ALG6: variants seen among roughly 807,000 people sequenced by gnomAD.
The protein encoded by ALG6 is ALG6 alpha-1,3-glucosyltransferase.
Under a neutral mutation model 66.6 loss-of-function variants are expected in ALG6, and 46 were observed. The ratio of observed to expected loss-of-function variants is 0.69; its 90% confidence interval spans 0.55 to 0.88. ALG6 has a LOEUF of 0.88. ALG6 is among the 40% of genes least tolerant of loss of function. ALG6 has a pLI of 0.00. For synonymous variants in ALG6, 185 were observed against 203.7 expected (o/e 0.91, Z 0.78); for missense variants, 505 against 586.8 (o/e 0.86, Z 1.44).
chr1:63,399,431 G>A (rs959582356), intron 3 of ALG6, among the ~76,000 whole-genome samples: 4 of 152,178 alleles, frequency 2.6e-5, no homozygotes, highest in African/African-American at 7.2e-5. Flanking sequence ...AACAGCAGGA[G>A]ATGGTGTTCT....
intron 12 of ALG6, among the ~76,000 whole-genome samples, chr1:63,422,240 T>C (rs1289107135): frequency 4.0e-5 from 2 of 49,606 alleles, no homozygotes; most frequent in Non-Finnish European, 7.1e-5. Flanking sequence ...TAAATATATA[T>C]ATAAATATAT....
chr1:63,398,185 A>G (rs1233349891), intron 3 of ALG6, among the ~76,000 whole-genome samples: 2 of 152,156 alleles, frequency 1.3e-5, no homozygotes, highest in African/African-American at 2.4e-5. Context: ...CTTCATATTG[A>G]GTTTTCTATT....
intron 12 of ALG6, among the ~76,000 whole-genome samples, chr1:63,425,146 A>G (rs1644608515): frequency 6.6e-6 from 1 of 152,178 alleles, no homozygotes; most frequent in Admixed American, 6.6e-5. Flanking sequence ...AAAAGGAAGC[A>G]GAAAAATAGG....
At chr1:63,416,387 G>T (rs1644546181) in intron 11 of ALG6, among the ~76,000 whole-genome samples, 1 of 152,066 alleles carries the variant, frequency 6.6e-6, no homozygotes, top group African/African-American at 2.4e-5. Context: ...GTGGGGCAAG[G>T]TTAGAACAGC....
At chr1:63,387,529 TC>T (rs1648535840) in intron 2 of ALG6, among the ~76,000 whole-genome samples, 2 of 135,772 alleles carry the variant, frequency 1.5e-5, no homozygotes, top group Non-Finnish European at 3.1e-5. Flanking sequence ...TCTTTGTCTT[TC>T]TCTTTTTTTT....
rs1251594834 is a variant in ALG6 at position 63,433,779 on chromosome 1, T to TC, written c.1327-3041dup. ...GACCAAAACTAACAGAAATCCCTGC[T>TC]CCCATGGAGGTTGCATTCTAGTGGA... On this transcript the variant is annotated intron_variant, in intron 14 of 14. Coordinates refer to ENST00000263440, the MANE Select transcript of ALG6 (RefSeq NM_013339.4). The surrounding 1 kb of genome is among the most constrained non-coding windows in gnomAD (Gnocchi z 4.2). Among the ~76,000 whole-genome samples, 1 of 152,156 alleles carries TC rather than the reference T, an allele frequency of 6.6e-6. No individual in the cohort carries two copies.
chr1:63,382,665 GTTTTTTTTT>G (rs59236936), intron 2 of ALG6, among the ~76,000 whole-genome samples: 14 of 93,586 alleles, frequency 1.5e-4, no homozygotes, highest in African/African-American at 6.5e-4. Context: ...GTTTTTTTTT[GTTTTTTTTT>G]TTTTGTTTTT....
At chr1:63,369,387 G>T (rs1647833812) in intron 1 of ALG6, among the ~76,000 whole-genome samples, 1 of 152,138 alleles carries the variant, frequency 6.6e-6, no homozygotes, top group East Asian at 1.9e-4. Context: ...CCAGCACTTT[G>T]GGAGACCAAG....
intron 12 of ALG6, among the ~76,000 whole-genome samples, chr1:63,423,271 G>A (rs1387166900): frequency 6.6e-6 from 1 of 152,088 alleles, no homozygotes; most frequent in Non-Finnish European, 1.5e-5. Flanking sequence ...TGATTCCCCT[G>A]CCTTGGCCTC....
chr1:63,428,753 G>T lies in ALG6; in HGVS notation c.1079G>T (p.Ser360Ile), dbSNP rs1644630105. 1 of 1,608,450 alleles carries T rather than the reference G, an allele frequency of 6.2e-7. No homozygotes were observed. The highest frequency in any genetic ancestry group is 8.5e-7 in the Non-Finnish European group (1 of 1,176,528). ...LVSLPVCLVL[S>I]EIPFMSTWFL... is the part of the protein sequence containing the mutation. ...TTTAGACCAGTCTGCTTAGTTTTAA[G>T]TGAAATTCCTTTTATGTCTACTTGG... Residue 360 changes from serine (S) to isoleucine (I), a missense_variant, in exon 13 of 15, where the codon AGT becomes ATT. By Grantham distance (142) the Ser-to-Ile change is moderately radical. Coordinates refer to ENST00000263440, the MANE Select transcript of ALG6 (RefSeq NM_013339.4).
chr1:63,431,583 A>G (rs1263481859), intron 14 of ALG6, among the ~76,000 whole-genome samples: 1 of 152,080 alleles, frequency 6.6e-6, no homozygotes, highest in East Asian at 1.9e-4. Flanking sequence ...CACCCGGCTA[A>G]TTTTTTTAGA....
At chr1:63,423,024 ATTTT>A (rs61279219) in intron 12 of ALG6, among the ~76,000 whole-genome samples, 2 of 142,954 alleles carry the variant, frequency 1.4e-5, no homozygotes, top group Admixed American at 6.9e-5. Flanking sequence ...GGATAATGCA[ATTTT>A]TTTTTTTTTT....
intron 14 of ALG6, among the ~76,000 whole-genome samples, chr1:63,429,345 T>G (rs1470328137): frequency 1.3e-5 from 2 of 152,220 alleles, no homozygotes; most frequent in African/African-American, 2.4e-5. Flanking sequence ...GAAGAAATTC[T>G]GTACCCATTA....
chr1:63,401,940 CCTTGCACGTAACGAGGCT>C (rs913932481), intron 3 of ALG6, among the ~76,000 whole-genome samples: 2 of 151,906 alleles, frequency 1.3e-5, no homozygotes, highest in African/African-American at 4.8e-5. Flanking sequence ...ATTCAGAGAG[CCTTGCACGTAACGAGGCT>C]CTCGTTACAT....
rs145400032 is a variant in ALG6, at chr1:63,433,862, T to C, written c.1327-2961T>C. 2.4e-3 allele frequency among the ~76,000 whole-genome samples: 364 copies of C among 152,282 alleles called. No individual in the cohort carries two copies. The highest frequency in any genetic ancestry group is 3.5e-3 in the Non-Finnish European group (240 of 68,022). On this transcript the variant is annotated intron_variant, in intron 14 of 14. Transcript: ENST00000263440. The surrounding 1 kb of genome is among the most constrained non-coding windows in gnomAD (Gnocchi z 4.2). ...GCATGTCAGAGGGTGATAAGTGCTA[T>C]GGAGAACAACAAAGCAAGGGAGAAA...
rs2100449475 is a variant in ALG6, at chr1:63,438,119, A to T, written c.*1099A>T. The T allele has an allele frequency of 6.6e-6, 1 of 152,298 alleles. No homozygotes were observed. The highest frequency in any genetic ancestry group is 6.5e-5 in the Admixed American group (1 of 15,286). The allele number at this position is 152,298 out of a possible 1,614,324, so 9.4% of individuals were successfully genotyped here. A position where few individuals can be genotyped will look rare whatever the true frequency, so the allele number is the denominator to read the frequency against. On this transcript the variant is annotated 3_prime_UTR_variant, in exon 15 of 15. Coordinates refer to ENST00000263440, the MANE Select transcript of ALG6 (RefSeq NM_013339.4). ...TGGTGGTATATTTTAATATAGTGCA[A>T]ATCAAACCACATACAAAAAAAAACT...
chr1:63,424,332 G>A (rs1362173520), intron 12 of ALG6, among the ~76,000 whole-genome samples: 1 of 152,084 alleles, frequency 6.6e-6, no homozygotes, highest in African/African-American at 2.4e-5. Flanking sequence ...GTAGAGATGG[G>A]GTTTCACTAT....
chr1:63,430,352 G>T (rs917452429), intron 14 of ALG6, among the ~76,000 whole-genome samples: 1 of 152,156 alleles, frequency 6.6e-6, no homozygotes. Context: ...TAATAATGCT[G>T]TTGTGAACAT....
intron 9 of ALG6, chr1:63,413,727 T>C: frequency 4.6e-6 from 1 of 215,704 alleles, no homozygotes; most frequent in Non-Finnish European, 9.4e-6. Context: ...TTCTATAAAT[T>C]GTAGAAAAAA....
Sources: allele counts gnomAD v4.1 joint callset (sites outside exome capture counted in the v4.1 genomes callset), GRCh38; gene constraint gnomAD v4.1.1; non-coding constraint Gnocchi (gnomAD v3.1); transcripts MANE v1.5; gene names NCBI Gene and HGNC (gene_info 2026-07-23, HGNC 2026-07-21).